ARAP2: variants seen among roughly 807,000 people sequenced by gnomAD.
The protein encoded by ARAP2 is arf-GAP with Rho-GAP domain, ANK repeat and PH domain-containing protein 2.
In ARAP2, 148 loss-of-function variants were observed where a neutral mutation model predicts 194.5. The observed-to-expected ratio is 0.76, with a 90% CI of 0.67 to 0.87. The LOEUF (loss-of-function observed/expected upper bound fraction) is 0.87, where lower values mean the gene tolerates loss of function less well. Ranked by LOEUF, ARAP2 falls within the 40% of genes least tolerant of loss-of-function variation. The probability of loss-of-function intolerance (pLI) is 0.00; values close to 1 mark genes in which losing one functional copy is unlikely to be tolerated. For synonymous variants in ARAP2, 695 were observed against 683.5 expected (o/e 1.02, Z -0.26); for missense variants, 2,128 against 1,989.7 (o/e 1.07, Z -1.32).
chr4:36,208,203 A>T (rs764426110), intron 6 of ARAP2, among the ~76,000 whole-genome samples: 1 of 152,228 alleles, frequency 6.6e-6, no homozygotes, highest in African/African-American at 2.4e-5. Flanking sequence ...GAGACATTTT[A>T]GCATGAATTT....
chr4:36,055,081 A>C (rs1723270760), intron 2 of ARAP2, among the ~76,000 whole-genome samples: 1 of 152,246 alleles, frequency 6.6e-6, no homozygotes, highest in Non-Finnish European at 1.5e-5. Context: ...CAGTCAACTG[A>C]TATAAATGAT....
chr4:36,222,669 G>A (rs1749436503), intron 2 of ARAP2, among the ~76,000 whole-genome samples: 1 of 151,920 alleles, frequency 6.6e-6, no homozygotes, highest in African/African-American at 2.4e-5. Context: ...AGGCAGAAAA[G>A]TTAGCTGAAT....
intron 8 of ARAP2, among the ~76,000 whole-genome samples, chr4:36,184,015 T>C (rs543280119): frequency 6.6e-6 from 1 of 152,298 alleles, no homozygotes; most frequent in South Asian, 2.1e-4. Context: ...TTTTGCTTCT[T>C]CACTCAATCA....
chr4:36,123,038 C>G (rs1228043886), intron 22 of ARAP2, among the ~76,000 whole-genome samples: 1 of 151,772 alleles, frequency 6.6e-6, no homozygotes, highest in Non-Finnish European at 1.5e-5. Flanking sequence ...AGAGATGGTG[C>G]AAGTGCAATC....
intron 1 of ARAP2, among the ~76,000 whole-genome samples, chr4:36,237,002 T>G (rs1334954246): frequency 6.6e-6 from 1 of 152,232 alleles, no homozygotes; most frequent in Non-Finnish European, 1.5e-5. Context: ...TGTGCGTCCA[T>G]GTACATGGCT....
chr4:36,093,725 A>G (rs1183620110), intron 27 of ARAP2, among the ~76,000 whole-genome samples: 1 of 152,108 alleles, frequency 6.6e-6, no homozygotes, highest in African/African-American at 2.4e-5. Context: ...AGTCACCCAG[A>G]CAGCAAACAT....
In ARAP2 at chr4:36,134,769, G is replaced by A. The variant is rs73809114; in HGVS notation, c.3264-1380C>T. On this transcript the variant is annotated intron_variant, in intron 19 of 32. Coordinates refer to ENST00000303965, the MANE Select transcript of ARAP2 (RefSeq NM_015230.4). ...ACACACACACACACACACCCTCCTG[G>A]ATTCTGTAATACATATTGCCTGCTC... 5.5e-3 allele frequency among the ~76,000 whole-genome samples: 805 copies of A among 145,922 alleles called. 11 individuals are homozygous for A. The highest frequency in any genetic ancestry group is 0.019 in the African/African-American group (758 of 39,950).
At chr4:36,079,005 C>G (rs983885551) in intron 31 of ARAP2, among the ~76,000 whole-genome samples, 7 of 151,802 alleles carry the variant, frequency 4.6e-5, no homozygotes, top group Admixed American at 3.9e-4. Flanking sequence ...GAAACTCCAT[C>G]TCTACTAAAA....
At chr4:36,156,954 A>G (rs980422603) in intron 15 of ARAP2, among the ~76,000 whole-genome samples, 1 of 152,208 alleles carries the variant, frequency 6.6e-6, no homozygotes, top group Non-Finnish European at 1.5e-5. Context: ...AATATATTCA[A>G]AAAAGGAATT....
intron 30 of ARAP2, 128 bp from the exon 31 acceptor site, chr4:36,080,407 A>G (rs189697634): frequency 1.0e-5 from 7 of 688,788 alleles, no homozygotes; most frequent in Non-Finnish European, 1.5e-5. Context: ...ATGCAATCAC[A>G]AAAGTGGAAC....
intron 5 of ARAP2, among the ~76,000 whole-genome samples, chr4:36,027,558 C>T (rs1718137767): frequency 6.6e-6 from 1 of 151,888 alleles, no homozygotes; most frequent in Admixed American, 6.6e-5. Context: ...AATACTACTA[C>T]ACCTAGGGAA....
chr4:36,071,846 C>T lies in ARAP2; in HGVS notation c.4743+1843G>A, dbSNP rs1475681444. On this transcript the variant is annotated intron_variant, in intron 32 of 32. Transcript: ENST00000303965. ...GGTATATCTCCCAATGCTATCCCTCCCCGCTCCCCCCACCCCAACACAGTC... is the reference window on the plus strand; with the variant it reads ...GGTATATCTCCCAATGCTATCCCTCTCCGCTCCCCCCACCCCAACACAGTC... 2.6e-5 allele frequency among the ~76,000 whole-genome samples: 4 copies of T among 151,560 alleles called. No individual in the cohort carries two copies. In the East Asian group the frequency reaches 7.7e-4, roughly 29 times the overall value.
intron 26 of ARAP2, among the ~76,000 whole-genome samples, chr4:36,108,748 A>G (rs1450935199): frequency 2.0e-5 from 3 of 152,044 alleles, no homozygotes; most frequent in Non-Finnish European, 4.4e-5. Context: ...AAATATGTCA[A>G]TCAGTTAATA....
chr4:36,244,479 G>C lies in ARAP2; in HGVS notation c.-460C>G, dbSNP rs1403996480. On this transcript the variant is annotated 5_prime_UTR_variant, in exon 1 of 33. Transcript: ENST00000303965. ...GAGCCCGGCGCCCGCGCCTTGCTCAGGTGCTCCCGCGCCTCGCCTCGGCCG... is the reference window on the plus strand; with the variant it reads ...GAGCCCGGCGCCCGCGCCTTGCTCACGTGCTCCCGCGCCTCGCCTCGGCCG... 6.6e-6 allele frequency: 1 copy of C among 150,898 alleles called. No homozygotes were observed. The highest frequency in any genetic ancestry group is 2.4e-5 in the African/African-American group (1 of 41,256). The allele number at this position is 150,898 out of a possible 1,614,324, so 9.3% of individuals were successfully genotyped here.
At chr4:36,139,956 C>A (rs1727841096) in intron 19 of ARAP2, among the ~76,000 whole-genome samples, 1 of 151,550 alleles carries the variant, frequency 6.6e-6, no homozygotes, top group Admixed American at 6.6e-5. Context: ...CTCAAGCACT[C>A]AAGGTTAAGG....
At chr4:36,134,971 G>A (rs1425015469) in intron 19 of ARAP2, among the ~76,000 whole-genome samples, 1 of 151,574 alleles carries the variant, frequency 6.6e-6, no homozygotes, top group Non-Finnish European at 1.5e-5. Flanking sequence ...TTTTAGCCAC[G>A]AAACTCCAAC....
chr4:36,169,016 C>T (rs1442638417), intron 9 of ARAP2, among the ~76,000 whole-genome samples: 1 of 152,076 alleles, frequency 6.6e-6, no homozygotes, highest in African/African-American at 2.4e-5. Flanking sequence ...GGATGACATA[C>T]CCGTTGGATA....
At chr4:36,236,471 A>T (rs1376018263) in intron 1 of ARAP2, among the ~76,000 whole-genome samples, 1 of 152,244 alleles carries the variant, frequency 6.6e-6, no homozygotes, top group South Asian at 2.1e-4. Context: ...TCAATCCATT[A>T]AAACAAAAAG....
intron 8 of ARAP2, among the ~76,000 whole-genome samples, chr4:36,013,348 A>G (rs1510652): frequency 0.78 from 118,210 of 152,156 alleles, 46,281 homozygotes; most frequent in African/African-American, 0.87. Flanking sequence ...GATAATAAAT[A>G]GTTGCTGCTA....
Sources: allele counts gnomAD v4.1 joint callset (sites outside exome capture counted in the v4.1 genomes callset), GRCh38; gene constraint gnomAD v4.1.1; transcripts MANE v1.5; gene names NCBI Gene and HGNC (gene_info 2026-07-23, HGNC 2026-07-21).